IFT140: variants seen among roughly 807,000 people sequenced by gnomAD.
IFT140 encodes intraflagellar transport protein 140 homolog.
A neutral mutation model predicts 164.6 loss-of-function variants in IFT140; 133 were observed. The observed-to-expected ratio is 0.81, with a 90% confidence interval of 0.70 to 0.93. IFT140 has a LOEUF of 0.93. Among genes scored for constraint, IFT140 ranks in the 40% least tolerant of loss-of-function variants. IFT140 has a pLI of 0.00. For missense variants in IFT140, 2,045 were observed against 1,972.3 expected, an observed-to-expected ratio of 1.04 and a Z score of -0.70; for synonymous variants, 860 against 817.3, an observed-to-expected ratio of 1.05 and a Z score of -0.89.
intron 13 of IFT140, chr16:1,576,773 ATGC>A (rs2141693233): frequency 6.6e-6 from 1 of 152,304 alleles, no homozygotes; most frequent in Non-Finnish European, 1.5e-5. Flanking sequence ...AAATGTGCAC[ATGC>A]TTCCAGAGAT....
intron 19 of IFT140, among the ~76,000 whole-genome samples, chr16:1,529,788 A>T (rs748783859): frequency 6.6e-6 from 1 of 152,228 alleles, no homozygotes; most frequent in East Asian, 1.9e-4. Context: ...GCTCAGACAC[A>T]GCTGCCCCGT....
rs2033622499 is a variant in IFT140 at position 1,564,799 on chromosome 16, G to A, written c.1902-637C>T. Among the ~76,000 whole-genome samples the A allele has an allele frequency of 6.6e-6, 1 of 152,170 alleles. No individual in the cohort carries two copies. The highest frequency in any genetic ancestry group is 6.5e-5 in the Admixed American group (1 of 15,280). On this transcript the variant is annotated intron_variant, in intron 16 of 30. Coordinates refer to ENST00000426508, the MANE Select transcript of IFT140 (RefSeq NM_014714.4). This position sits in a 1 kb window ranked among gnomAD's most constrained non-coding sequence, Gnocchi z 5.5. ...CAGGCTGCAGAGTGGGACCCTGCCG[G>A]GCAGCACGACCCATGGCTGCTGAAG...
chr16:1,604,306 TGTGTGTGTGTGG>T (rs1467084175), intron 3 of IFT140: 3 of 134,922 alleles, frequency 2.2e-5, no homozygotes, highest in East Asian at 4.5e-4. Flanking sequence ...TGTGTGTGTG[TGTGTGTGTGTGG>T]AGGGGGGAGC....
Position 1,518,338 on chromosome 16 carries a change from T to C in IFT140, c.4060A>G (p.Lys1354Glu). 1.2e-6 allele frequency: 2 copies of C among 1,614,002 alleles called. No homozygotes were observed. The highest frequency in any genetic ancestry group is 1.7e-6 in the Non-Finnish European group (2 of 1,179,996). Residue 1354 changes from lysine to glutamate, a missense_variant, in exon 30 of 31, where the codon AAG (lysine) becomes GAG (glutamate). Physicochemically the swap from Lys to Glu is moderately conservative, Grantham distance 56 (BLOSUM62 1). Coordinates refer to ENST00000426508, the MANE Select transcript of IFT140 (RefSeq NM_014714.4). ...AGCTCACACTGCTTGATGGACTCCT[T>C]GGGGTCCTCTGTGTACGTCCTGCCG... ...QARRTYTEDP[K>E]ESIKQCELLL...
intron 6 of IFT140, 60 bp from the exon 7 acceptor site, chr16:1,589,840 C>T: frequency 1.4e-6 from 2 of 1,435,650 alleles, no homozygotes; most frequent in Non-Finnish European, 1.9e-6. Flanking sequence ...TTCCATGACC[C>T]TCACCAGCAG....
At chr16:1,538,086 A>C (rs8051295) in intron 19 of IFT140, among the ~76,000 whole-genome samples, 1 of 152,064 alleles carries the variant, frequency 6.6e-6, no homozygotes, top group Non-Finnish European at 1.5e-5. Context: ...ACACCCAAGC[A>C]GTGAACGCCA....
chr16:1,602,523 C>A lies in IFT140; in HGVS notation c.216G>T (p.Thr72=). The A allele has an allele frequency of 6.2e-7, 1 of 1,614,136 alleles. No individual in the cohort carries two copies. Among genetic ancestry groups the A allele is most frequent in the Non-Finnish European group, 8.5e-7 (1 of 1,180,032 alleles). Residue 72 remains threonine, a synonymous_variant, in exon 4 of 31, where the codon ACG becomes ACT. Transcript: ENST00000426508. The part of the protein sequence containing the change: ...FRVASLCWHP[T]RLVLAVGWET... Reference sequence around the variant, plus strand: ...CCCAGCCCACAGCCAGCACCAGCCGCGTCGGGTGCCAGCACAGGGAAGCAA... The same window carrying A: ...CCCAGCCCACAGCCAGCACCAGCCGAGTCGGGTGCCAGCACAGGGAAGCAA...
chr16:1,513,924 T>C (rs567497006), intron 30 of IFT140, among the ~76,000 whole-genome samples: 2,587 of 149,090 alleles, frequency 0.017, 49 homozygotes, highest in East Asian at 0.055. Context: ...CTGCCCGCCT[T>C]GGCCTCCCAA....
chr16:1,528,716 G>A (rs2030099895), intron 19 of IFT140: 1 of 153,090 alleles, frequency 6.5e-6, no homozygotes, highest in Admixed American at 6.5e-5. Context: ...CAGCCCTGCA[G>A]CCTCCCCGCT....
intron 15 of IFT140, 66 bp downstream of exon 15, chr16:1,568,151 G>C (rs907734484): frequency 8.6e-7 from 1 of 1,157,124 alleles, no homozygotes; most frequent in Non-Finnish European, 1.3e-6. Context: ...GAGCAGGCAG[G>C]AGGCCTGGCC....
chr16:1,562,024 G>A lies in IFT140; in HGVS notation c.2160C>T (p.Leu720=), dbSNP rs751181187. The change falls in exon 18 of 31, where the codon CTC becomes CTT. Residue 720 remains leucine, a synonymous_variant. Transcript: ENST00000426508. The part of the protein sequence containing the change: ...SFPRPATSHS[L]LGMEVPYYYF... ...AGTAATAAGGCACTTCCATCCCCAG[G>A]AGACTGTGGGAGGTGGCAGGCCGGG... 1.2e-6 allele frequency: 2 copies of A among 1,611,820 alleles called. No individual in the cohort carries two copies. The highest frequency in any genetic ancestry group is 3.4e-5 in the Admixed American group (2 of 59,674).
chr16:1,525,913 G>A lies in IFT140; in HGVS notation c.2742C>T (p.Ser914=), dbSNP rs374793763. The change falls in exon 21 of 31, where the codon AGC becomes AGT. Residue 914 remains serine (S), a synonymous_variant. Coordinates refer to ENST00000426508, the MANE Select transcript of IFT140 (RefSeq NM_014714.4). ...YHRYAGHLEA[S]ADCSRALSYY... ...AACTGAGGGCCCGGCTGCAGTCGGC[G>A]CTGGCCTCCAGGTGCCCGGCATAGC... 1.8e-4 allele frequency: 280 copies of A among 1,559,478 alleles called. 2 individuals are homozygous for A. The East Asian group carries it at 6.0e-3, about 33-fold the overall frequency.
intron 29 of IFT140, 117 bp downstream of exon 29, chr16:1,519,764 C>G: frequency 3.0e-6 from 3 of 993,844 alleles, no homozygotes; most frequent in Non-Finnish European, 2.8e-6. Flanking sequence ...GTAGTGCTGT[C>G]CCAAGTGAGC....
chr16:1,556,275 C>A (rs2033072561), intron 19 of IFT140, among the ~76,000 whole-genome samples: 1 of 152,238 alleles, frequency 6.6e-6, no homozygotes, highest in Non-Finnish European at 1.5e-5. Context: ...CATCTAACAT[C>A]TACATCTGAG....
chr16:1,580,979 T>C, intron 12 of IFT140, 129 bp from the exon 13 acceptor site: 1 of 643,182 alleles, frequency 1.6e-6, no homozygotes, highest in Non-Finnish European at 2.8e-6. Flanking sequence ...GGGTGCACTA[T>C]CTGCACCTCG....
intron 4 of IFT140, 193 bp downstream of exon 4, chr16:1,602,177 C>A: frequency 1.7e-6 from 1 of 600,572 alleles, no homozygotes. Flanking sequence ...TATAAAGGTG[C>A]AGACACACCT....
intron 20 of IFT140, 35 bp downstream of exon 20, chr16:1,526,584 G>A: frequency 6.8e-7 from 1 of 1,480,396 alleles, no homozygotes; most frequent in South Asian, 1.3e-5. Flanking sequence ...CAGGCGTGGT[G>A]CCTTCCCACC....
rs1469976666 is a variant in IFT140, at chr16:1,611,393, G to A, written c.-221-540C>T. On this transcript the variant is annotated intron_variant, in intron 1 of 30. Coordinates refer to ENST00000426508, the MANE Select transcript of IFT140 (RefSeq NM_014714.4). ...GTGGCGCCTCTAGTCTCGGCTACAG[G>A]AGGCTGAGGGAGGAGAATCGCCTGA... 2.7e-5 allele frequency among the ~76,000 whole-genome samples: 4 copies of A among 150,732 alleles called. No homozygotes were observed. The East Asian group carries it at 5.8e-4, about 22-fold the overall frequency.
chr16:1,546,597 G>A (rs1335702225), intron 19 of IFT140, among the ~76,000 whole-genome samples: 3 of 152,124 alleles, frequency 2.0e-5, no homozygotes, highest in Non-Finnish European at 2.9e-5. Flanking sequence ...CGCATCCCAC[G>A]TGCTCCCTGG....
Sources: allele counts gnomAD v4.1 joint callset (sites outside exome capture counted in the v4.1 genomes callset), GRCh38; gene constraint gnomAD v4.1.1; non-coding constraint Gnocchi (gnomAD v3.1); transcripts MANE v1.5; gene names NCBI Gene and HGNC (gene_info 2026-07-23, HGNC 2026-07-21).